The following SEMA6D variants were observed in gnomAD, a reference collection of about 807,000 sequenced individuals.
SEMA6D encodes semaphorin-6D.
SEMA6D carries 35 observed loss-of-function variants against 106.6 expected under a neutral mutation model. That is an observed-to-expected ratio of 0.33 (90% CI 0.25 to 0.44). SEMA6D has a LOEUF of 0.44. Ranked by LOEUF, SEMA6D falls within the 20% of genes least tolerant of loss-of-function variation. The probability of loss-of-function intolerance (pLI) is 1.00; values close to 1 mark genes in which losing one functional copy is unlikely to be tolerated. For missense variants in SEMA6D, 1,185 were observed against 1,345.9 expected (o/e 0.88, Z 1.87); for synonymous variants, 499 against 487.7 (o/e 1.02, Z -0.31).
chr15:47,228,163 C>CACACACACACACACATAT lies in SEMA6D; in HGVS notation c.-239+43746_-239+43747insCACACACACACACATATA, dbSNP rs374770930. ...ACACACACACACACACACACACACA[C>CACACACACACACACATAT]ATATATATATAACCTTTTGTTACTT... On this transcript the variant is annotated intron_variant, in intron 1 of 19. Transcript: ENST00000558014. 2.2e-3 allele frequency among the ~76,000 whole-genome samples: 298 copies of CACACACACACACACATAT among 136,804 alleles called. 3 individuals are homozygous for CACACACACACACACATAT. The highest frequency in any genetic ancestry group is 7.8e-3 in the Middle Eastern group (2 of 256). 89.7% of individuals were successfully genotyped at this position (136,804 alleles called of 152,430 possible).
chr15:47,356,366 C>G (rs1000226883), intron 1 of SEMA6D, among the ~76,000 whole-genome samples: 2 of 152,140 alleles, frequency 1.3e-5, no homozygotes, highest in African/African-American at 4.8e-5. Flanking sequence ...GTGAAATATT[C>G]CACGAACACT....
At chr15:47,522,146 C>T (rs1342454746) in intron 3 of SEMA6D, among the ~76,000 whole-genome samples, 5 of 152,194 alleles carry the variant, frequency 3.3e-5, no homozygotes, top group South Asian at 4.1e-4. Flanking sequence ...ACATGTCCTG[C>T]GGAGCTGACA....
intron 4 of SEMA6D, among the ~76,000 whole-genome samples, chr15:47,642,457 C>A (rs2077506205): frequency 6.6e-6 from 1 of 152,178 alleles, no homozygotes; most frequent in African/African-American, 2.4e-5. Context: ...CACACACACA[C>A]TAGCTGCTGA....
chr15:47,377,137 T>A (rs1376097346), intron 1 of SEMA6D, among the ~76,000 whole-genome samples: 1 of 152,254 alleles, frequency 6.6e-6, no homozygotes, highest in Non-Finnish European at 1.5e-5. Context: ...CTTGAATTAT[T>A]AAATTTTAAA....
intron 1 of SEMA6D, among the ~76,000 whole-genome samples, chr15:47,411,077 T>G (rs1425803285): frequency 1.3e-5 from 2 of 151,980 alleles, no homozygotes; most frequent in African/African-American, 4.8e-5. Flanking sequence ...TTCCAGATGA[T>G]TCCTTAGCTG....
At position 47,448,236 on chromosome 15, in the gene SEMA6D, C is replaced by T. The variant is rs564661546; in HGVS notation, c.-158-22238C>T. ...AAATATTAATGCAATTGTACCACGACGCCTGGGCCGGGATCTTTGTTCATG... is the reference window on the plus strand; with the variant it reads ...AAATATTAATGCAATTGTACCACGATGCCTGGGCCGGGATCTTTGTTCATG... On this transcript the variant is annotated intron_variant, in intron 2 of 19. Transcript: ENST00000558014. 6.6e-5 allele frequency among the ~76,000 whole-genome samples: 10 copies of T among 152,220 alleles called. No individual in the cohort carries two copies. The Middle Eastern group carries it at 0.014, about 207-fold the overall frequency.
At chr15:47,553,266 T>TA (rs1431558632) in intron 3 of SEMA6D, among the ~76,000 whole-genome samples, 1 of 152,000 alleles carries the variant, frequency 6.6e-6, no homozygotes, top group South Asian at 2.1e-4. Flanking sequence ...TGAAATTCCT[T>TA]AAAAAATTGT....
chr15:47,766,977 T>C (rs540387451), intron 16 of SEMA6D, 60 bp from the exon 17 acceptor site: 9 of 978,426 alleles, frequency 9.2e-6, no homozygotes, highest in Non-Finnish European at 1.4e-5. Flanking sequence ...TTGGAATTCA[T>C]AAATTTTTGC....
At chr15:47,747,574 C>T (rs1489860078) in intron 1 of SEMA6D, among the ~76,000 whole-genome samples, 3 of 152,106 alleles carry the variant, frequency 2.0e-5, no homozygotes, top group Non-Finnish European at 4.4e-5. Context: ...ATAAAATTGA[C>T]CCAACTTTGA....
chr15:47,316,606 G>GT (rs2036691012), intron 1 of SEMA6D, among the ~76,000 whole-genome samples: 4 of 66,868 alleles, frequency 6.0e-5, no homozygotes, highest in African/African-American at 8.9e-5. Context: ...TTTATTGAGA[G>GT]GTTTTTTTTT....
chr15:47,428,252 T>C (rs2041410494), intron 2 of SEMA6D, among the ~76,000 whole-genome samples: 1 of 152,044 alleles, frequency 6.6e-6, no homozygotes, highest in African/African-American at 2.4e-5. Context: ...CACCACGACA[T>C]ATAAAGAGAA....
intron 3 of SEMA6D, among the ~76,000 whole-genome samples, chr15:47,511,517 C>G (rs1420795846): frequency 6.6e-6 from 1 of 152,098 alleles, no homozygotes; most frequent in Non-Finnish European, 1.5e-5. Context: ...TCACTACCCC[C>G]CTCCTGCCAC....
At chr15:47,450,360 A>G (rs2042153126) in intron 2 of SEMA6D, among the ~76,000 whole-genome samples, 1 of 152,036 alleles carries the variant, frequency 6.6e-6, no homozygotes, top group African/African-American at 2.4e-5. Context: ...CAGTATACTG[A>G]TCAGGACATC....
chr15:47,490,660 T>C (rs956025861), intron 3 of SEMA6D, among the ~76,000 whole-genome samples: 13 of 151,902 alleles, frequency 8.6e-5, no homozygotes, highest in Non-Finnish European at 1.3e-4. Flanking sequence ...ATAATAATAA[T>C]ACAAATAGAA....
At chr15:47,575,217 G>GA (rs1447085766) in intron 3 of SEMA6D, among the ~76,000 whole-genome samples, 5 of 152,178 alleles carry the variant, frequency 3.3e-5, no homozygotes, top group Admixed American at 6.5e-5. Flanking sequence ...TGAGGTTGCT[G>GA]AAACAGGATC....
At chr15:47,464,940 T>C (rs1049738208) in intron 2 of SEMA6D, among the ~76,000 whole-genome samples, 1 of 152,110 alleles carries the variant, frequency 6.6e-6, no homozygotes, top group Non-Finnish European at 1.5e-5. Flanking sequence ...CTGCAAATAA[T>C]CAGGTAATTT....
At chr15:47,251,840 A>T (rs1204215520) in intron 1 of SEMA6D, among the ~76,000 whole-genome samples, 5 of 151,042 alleles carry the variant, frequency 3.3e-5, no homozygotes, top group Admixed American at 2.6e-4. Context: ...GTGTTTATTA[A>T]TATTTGCCAT....
intron 2 of SEMA6D, among the ~76,000 whole-genome samples, chr15:47,439,673 A>C (rs2041825687): frequency 1.3e-5 from 2 of 152,170 alleles, no homozygotes; most frequent in Admixed American, 6.5e-5. Context: ...CTAAGTGCTG[A>C]TGCTATTCTC....
chr15:47,184,448 C>T (rs1349749354), intron 1 of SEMA6D: 1 of 152,320 alleles, frequency 6.6e-6, no homozygotes, highest in Non-Finnish European at 1.5e-5. Flanking sequence ...TCCATTTCTC[C>T]TCCGTCGCCT....
Sources: gnomAD v4.1 joint callset for allele counts (sites outside exome capture counted in the v4.1 genomes callset) on GRCh38, gnomAD v4.1.1 for gene constraint, MANE v1.5 for transcripts, NCBI Gene and HGNC (gene_info 2026-07-23, HGNC 2026-07-21) for gene names.